Variants in CMIP observed in about 807,000 individuals in gnomAD.
The protein encoded by CMIP is c-Maf inducing protein.
CMIP carries 13 observed loss-of-function variants against 97.3 expected under a neutral mutation model. The ratio of observed to expected loss-of-function variants is 0.13; its 90% CI spans 0.09 to 0.21. CMIP has a LOEUF of 0.21. Among genes scored for constraint, CMIP ranks in the 10% least tolerant of loss-of-function variants. The pLI is 1.00. For missense variants in CMIP, 847 were observed against 1,024.9 expected (o/e 0.83, Z 2.37); for synonymous variants, 538 against 436.3 (o/e 1.23, Z -2.91).
At chr16:81,558,489 A>G (rs1214356255) in intron 1 of CMIP, among the ~76,000 whole-genome samples, 1 of 152,178 alleles carries the variant, frequency 6.6e-6, no homozygotes, top group East Asian at 1.9e-4. Context: ...TTACATTTCC[A>G]CTAACAGCAT....
At chr16:81,691,264 C>T (rs923134631) in intron 10 of CMIP, among the ~76,000 whole-genome samples, 1 of 152,214 alleles carries the variant, frequency 6.6e-6, no homozygotes, top group Non-Finnish European at 1.5e-5. Flanking sequence ...CAGATGGCTG[C>T]CTTCTCGCTG....
At chr16:81,479,858 A>G (rs1445521429) in intron 1 of CMIP, among the ~76,000 whole-genome samples, 1 of 152,194 alleles carries the variant, frequency 6.6e-6, no homozygotes, top group Non-Finnish European at 1.5e-5. Context: ...TGCATATATT[A>G]GGCCCTCTAC....
At chr16:81,599,136 A>G (rs984879775) in intron 1 of CMIP, among the ~76,000 whole-genome samples, 4 of 152,100 alleles carry the variant, frequency 2.6e-5, no homozygotes, top group African/African-American at 9.7e-5. Flanking sequence ...CCATTGAGAA[A>G]GGTGCAGGCA....
rs1240570796 is a variant in CMIP at position 81,614,949 on chromosome 16, ATG to A, written c.427-5920_427-5919del. ...GTGTATCTCTGTGTGTGGTGTGTGC[ATG>A]TGTGTGGTGTGTTGTGTGATATGTG... is the stretch of plus-strand genomic sequence containing the variant. On this transcript the variant is annotated intron_variant, in intron 2 of 20. Coordinates refer to ENST00000537098, the MANE Select transcript of CMIP (RefSeq NM_198390.3). The surrounding 1 kb of genome is among the most constrained non-coding windows in gnomAD (Gnocchi z 5.3). Among the ~76,000 whole-genome samples, 2 of 143,484 alleles carry A rather than the reference ATG, an allele frequency of 1.4e-5. No homozygotes were observed. Among genetic ancestry groups the A allele is most frequent in the African/African-American group, 2.6e-5 (1 of 38,256 alleles). The allele number at this position is 143,484 out of a possible 152,430, so 94.1% of individuals were successfully genotyped here.
chr16:81,504,660 A>G (rs202152329), intron 1 of CMIP, among the ~76,000 whole-genome samples: 4,475 of 139,314 alleles, frequency 0.032, 95 homozygotes, highest in Non-Finnish European at 0.05. Flanking sequence ...AAAAAAAAAA[A>G]AAAAAAGAAA....
chr16:81,600,123 A>T (rs1597132919), intron 1 of CMIP, among the ~76,000 whole-genome samples: 1 of 152,150 alleles, frequency 6.6e-6, no homozygotes, highest in South Asian at 2.1e-4. Flanking sequence ...TACTAAAATT[A>T]CAAAAATTAG....
chr16:81,563,361 A>G (rs2090921109), intron 1 of CMIP, among the ~76,000 whole-genome samples: 1 of 152,238 alleles, frequency 6.6e-6, no homozygotes, highest in Non-Finnish European at 1.5e-5. Flanking sequence ...TGTGGACTCC[A>G]GGCAAGTCAC....
In CMIP at chr16:81,476,487, A is replaced by T. The variant is rs1907928995; in HGVS notation, c.300+30946A>T. On this transcript the variant is annotated intron_variant, in intron 1 of 20. Transcript: ENST00000537098. ...TGCGGCCCAAGGGCTCGCCGTTGAC[A>T]GCGATGTCAGAGAACACAGTGGGGT... 2.3e-5 allele frequency: 17 copies of T among 740,152 alleles called. 1 individual carries two copies. The Admixed American group carries it at 2.8e-4, about 12-fold the overall frequency. The allele number at this position is 740,152 out of a possible 1,614,324, so 45.8% of individuals were successfully genotyped here.
chr16:81,679,296 G>C (rs935934427), intron 10 of CMIP, among the ~76,000 whole-genome samples: 1 of 152,176 alleles, frequency 6.6e-6, no homozygotes, highest in Admixed American at 6.5e-5. Flanking sequence ...ACAGCAGTGG[G>C]TGTGTCTAGG....
At chr16:81,567,124 C>T (rs915227628) in intron 1 of CMIP, among the ~76,000 whole-genome samples, 7 of 152,242 alleles carry the variant, frequency 4.6e-5, no homozygotes, top group Admixed American at 4.6e-4. Flanking sequence ...CATCCTTCAG[C>T]CATACAGTTT....
intron 1 of CMIP, among the ~76,000 whole-genome samples, chr16:81,549,424 T>C (rs2090610963): frequency 6.6e-6 from 1 of 152,198 alleles, no homozygotes; most frequent in Non-Finnish European, 1.5e-5. Flanking sequence ...CGAGGGCCGT[T>C]GGGAAATTCT....
In CMIP at chr16:81,693,256, GC is replaced by G. The variant is rs748049761; in HGVS notation, c.1481+75del. On this transcript the variant is annotated intron_variant, in intron 12 of 20. Coordinates refer to ENST00000537098, the MANE Select transcript of CMIP (RefSeq NM_198390.3). ...TCTGTCCTGAGGTCTTCCCTCCGTG[GC>G]CCATGCATTCTGGGAGGCAGTGGTG... The G allele has an allele frequency of 6.1e-6, 9 of 1,482,988 alleles. No homozygotes were observed. The East Asian group carries it at 1.8e-4, about 30-fold the overall frequency. 91.9% of individuals were successfully genotyped at this position (1,482,988 alleles called of 1,614,324 possible).
At chr16:81,536,242 G>C (rs1291017822) in intron 1 of CMIP, among the ~76,000 whole-genome samples, 1 of 152,148 alleles carries the variant, frequency 6.6e-6, no homozygotes, top group African/African-American at 2.4e-5. Context: ...CCTGGAACTT[G>C]TTGTGAGGAT....
At chr16:81,571,665 G>T (rs537088039) in intron 1 of CMIP, among the ~76,000 whole-genome samples, 3 of 152,106 alleles carry the variant, frequency 2.0e-5, no homozygotes, top group Admixed American at 1.3e-4. Flanking sequence ...GCTCACAGGG[G>T]ATCTTGGTAC....
intron 15 of CMIP, among the ~76,000 whole-genome samples, chr16:81,700,865 G>T (rs1018307574): frequency 6.6e-6 from 1 of 152,202 alleles, no homozygotes; most frequent in Non-Finnish European, 1.5e-5. Context: ...GAAGGAGTTT[G>T]GATTTAATCT....
intron 9 of CMIP, 62 bp from the exon 10 acceptor site, chr16:81,678,213 G>A: frequency 7.8e-7 from 1 of 1,281,548 alleles, no homozygotes; most frequent in Admixed American, 2.5e-5. Flanking sequence ...TTAGTCTGAT[G>A]GGTCATGGTG....
chr16:81,624,119 G>C (rs1018196160), intron 3 of CMIP, among the ~76,000 whole-genome samples: 1 of 115,170 alleles, frequency 8.7e-6, no homozygotes, highest in Non-Finnish European at 1.8e-5. Flanking sequence ...TCTTTTCTCT[G>C]TCTTTAACTG....
rs563422398 is a variant in CMIP, at chr16:81,702,688, C to G, written c.1944+19C>G. ...GTCCACAGTGAGTTGGTTTGGTTCT[C>G]TTTGGGGCTGGATGGAGAAGGTGGG... On this transcript the variant is annotated intron_variant, in intron 17 of 20. Coordinates refer to ENST00000537098, the MANE Select transcript of CMIP (RefSeq NM_198390.3). 70 of 1,611,014 alleles carry G rather than the reference C, an allele frequency of 4.3e-5. No homozygotes were observed. In the East Asian group the frequency reaches 1.2e-3, roughly 29 times the overall value.
At chr16:81,447,435 C>T (rs1372675368) in intron 1 of CMIP, among the ~76,000 whole-genome samples, 2 of 152,068 alleles carry the variant, frequency 1.3e-5, no homozygotes, top group Non-Finnish European at 2.9e-5. Context: ...AATGCCTCCC[C>T]ACTTACCTCC....
Sources: gnomAD v4.1 joint callset for allele counts (sites outside exome capture counted in the v4.1 genomes callset) on GRCh38, gnomAD v4.1.1 for gene constraint, Gnocchi (gnomAD v3.1) non-coding constraint, MANE v1.5 for transcripts, NCBI Gene and HGNC (gene_info 2026-07-23, HGNC 2026-07-21) for gene names.